HCN1: variants seen among roughly 807,000 people sequenced by gnomAD.
The protein encoded by HCN1 is potassium/sodium hyperpolarization-activated cyclic nucleotide-gated channel 1.
HCN1 carries 13 observed loss-of-function variants against 78.9 expected under a neutral mutation model. That is an observed-to-expected ratio of 0.16 (90% CI 0.11 to 0.26). HCN1 has a LOEUF of 0.26. HCN1 is among the 10% of genes least tolerant of loss of function. The probability of loss-of-function intolerance (pLI) is 1.00; values close to 1 mark genes in which losing one functional copy is unlikely to be tolerated. For synonymous variants in HCN1, 552 were observed against 455.5 expected (o/e 1.21, Z -2.70); for missense variants, 810 against 1,154.3 (o/e 0.70, Z 4.32).
At chr5:45,312,234 G>T (rs1037323606) in intron 5 of HCN1, among the ~76,000 whole-genome samples, 1 of 152,172 alleles carries the variant, frequency 6.6e-6, no homozygotes, top group African/African-American at 2.4e-5. Context: ...CTGCTAAAGG[G>T]TAGTGCTAAG....
intron 6 of HCN1, among the ~76,000 whole-genome samples, chr5:45,284,120 A>G (rs1319510968): frequency 6.6e-6 from 1 of 152,104 alleles, no homozygotes; most frequent in East Asian, 1.9e-4. Flanking sequence ...AGAAGGGAAC[A>G]GATACTGGGG....
chr5:45,350,700 C>G (rs571465538), intron 5 of HCN1, among the ~76,000 whole-genome samples: 87 of 150,622 alleles, frequency 5.8e-4, no homozygotes, highest in African/African-American at 2.0e-3. Context: ...AATCAATGTA[C>G]AAAAATCACA....
rs181433197 is a variant in HCN1 at position 45,459,951 on chromosome 5, T to C, written c.1011+1895A>G. Among the ~76,000 whole-genome samples the C allele has an allele frequency of 2.6e-5, 4 of 152,276 alleles. No homozygotes were observed. The East Asian group carries it at 5.8e-4, about 22-fold the overall frequency. On this transcript the variant is annotated intron_variant, in intron 3 of 7. Transcript: ENST00000303230. ...AAAGATAAGTAAAGTGACAGATCTA[T>C]AATCAAGTAGACATCACAGGTTTGA...
At position 45,696,007 on chromosome 5, in the gene HCN1, G is replaced by T; in HGVS notation, c.87C>A (p.Gly29=). Residue 29 remains glycine, a synonymous_variant, in exon 1 of 8, where the codon GGC becomes GGA. Transcript: ENST00000303230. ...SVFPAKASAT[G]AGPAAAEKRL... is the part of the protein sequence containing the mutation. Reference sequence around the variant, plus strand: ...GCTTCTCGGCCGCGGCCGGCCCCGCGCCCGTCGCGGACGCCTTGGCGGGGA... The same window carrying T: ...GCTTCTCGGCCGCGGCCGGCCCCGCTCCCGTCGCGGACGCCTTGGCGGGGA... 7.7e-7 allele frequency: 1 copy of T among 1,301,416 alleles called. No homozygotes were observed. The highest frequency in any genetic ancestry group is 1.9e-5 in the South Asian group (1 of 52,196). The allele number at this position is 1,301,416 out of a possible 1,614,324, so 80.6% of individuals were successfully genotyped here.
intron 6 of HCN1, among the ~76,000 whole-genome samples, chr5:45,294,403 G>A (rs1164356895): frequency 6.6e-6 from 1 of 151,924 alleles, no homozygotes; most frequent in Non-Finnish European, 1.5e-5. Context: ...CAACAGTCAT[G>A]AAAAATATTT....
At chr5:45,690,288 T>C (rs780785006) in intron 1 of HCN1, among the ~76,000 whole-genome samples, 3 of 152,090 alleles carry the variant, frequency 2.0e-5, no homozygotes, top group Non-Finnish European at 4.4e-5. Flanking sequence ...TTCCTTGCTT[T>C]AACTGCGTGG....
chr5:45,348,160 A>T (rs905003517), intron 5 of HCN1, among the ~76,000 whole-genome samples: 3 of 152,206 alleles, frequency 2.0e-5, no homozygotes, highest in Non-Finnish European at 4.4e-5. Context: ...GACTAACAGC[A>T]GATCTCTCAG....
At chr5:45,628,415 T>TA (rs759545223) in intron 2 of HCN1, among the ~76,000 whole-genome samples, 1 of 151,934 alleles carries the variant, frequency 6.6e-6, no homozygotes, top group African/African-American at 2.4e-5. Flanking sequence ...ATCACCTACT[T>TA]AAAAAAATCA....
At chr5:45,367,859 T>C (rs1266742949) in intron 4 of HCN1, among the ~76,000 whole-genome samples, 1 of 151,926 alleles carries the variant, frequency 6.6e-6, no homozygotes, top group East Asian at 1.9e-4. Flanking sequence ...ACTAAAAATT[T>C]AGGGACCTAA....
chr5:45,609,574 A>G (rs182556545), intron 2 of HCN1, among the ~76,000 whole-genome samples: 1 of 152,092 alleles, frequency 6.6e-6, no homozygotes. Context: ...TTGACCATAA[A>G]ACCTTAAAAA....
At chr5:45,267,735 T>C (rs1160634845) in intron 6 of HCN1, among the ~76,000 whole-genome samples, 3 of 152,106 alleles carry the variant, frequency 2.0e-5, no homozygotes, top group Admixed American at 1.3e-4. Flanking sequence ...GCCACTGCAC[T>C]CCAGCCTGGC....
chr5:45,265,064 C>A (rs1744830363), intron 7 of HCN1, among the ~76,000 whole-genome samples: 1 of 152,024 alleles, frequency 6.6e-6, no homozygotes, highest in African/African-American at 2.4e-5. Flanking sequence ...GCAGTGCACA[C>A]CTGCAGTCCC....
chr5:45,445,182 G>T (rs1336808801), intron 3 of HCN1, among the ~76,000 whole-genome samples: 2 of 152,014 alleles, frequency 1.3e-5, no homozygotes, highest in Admixed American at 6.5e-5. Flanking sequence ...ACTCCCACCC[G>T]AATACTGCAC....
At chr5:45,340,521 T>A (rs539353920) in intron 5 of HCN1, among the ~76,000 whole-genome samples, 1 of 152,220 alleles carries the variant, frequency 6.6e-6, no homozygotes, top group Non-Finnish European at 1.5e-5. Flanking sequence ...GTCTCCTTGC[T>A]ATGATCTGTC....
chr5:45,693,038 A>C (rs1391369004), intron 1 of HCN1, among the ~76,000 whole-genome samples: 1 of 152,180 alleles, frequency 6.6e-6, no homozygotes, highest in Non-Finnish European at 1.5e-5. Flanking sequence ...AATTGTAGTA[A>C]AGCACCTCCC....
chr5:45,532,200 C>A (rs1226901091), intron 2 of HCN1, among the ~76,000 whole-genome samples: 2 of 152,212 alleles, frequency 1.3e-5, no homozygotes, highest in African/African-American at 4.8e-5. Context: ...CTTGACTAGA[C>A]TGTAGGCTCT....
intron 5 of HCN1, among the ~76,000 whole-genome samples, chr5:45,330,343 A>G (rs1021933768): frequency 4.6e-5 from 7 of 151,244 alleles, no homozygotes; most frequent in Non-Finnish European, 3.0e-5. Context: ...TTGTGGATAT[A>G]TCAACAGTTT....
chr5:45,297,735 CCAATA>C (rs1319029545), intron 6 of HCN1, among the ~76,000 whole-genome samples: 4 of 152,022 alleles, frequency 2.6e-5, no homozygotes, highest in African/African-American at 4.8e-5. Context: ...CAAATCCAAT[CCAATA>C]CATTTTCACA....
chr5:45,295,591 T>C (rs1280319443), intron 6 of HCN1, among the ~76,000 whole-genome samples: 1 of 152,050 alleles, frequency 6.6e-6, no homozygotes, highest in African/African-American at 2.4e-5. Context: ...ATTGTAGATA[T>C]AAATCAAGTT....
Sources: gnomAD v4.1 joint callset for allele counts (sites outside exome capture counted in the v4.1 genomes callset) on GRCh38, gnomAD v4.1.1 for gene constraint, MANE v1.5 for transcripts, NCBI Gene and HGNC (gene_info 2026-07-23, HGNC 2026-07-21) for gene names.